The following EYS variants were observed in gnomAD, a reference collection of about 807,000 sequenced individuals.
EYS encodes the protein protein eyes shut homolog.
Under a neutral mutation model 282.1 loss-of-function variants are expected in EYS, and 250 were observed. That is an observed-to-expected ratio of 0.89 (90% CI 0.80 to 0.98). The LOEUF is 0.98. Ranked by LOEUF, EYS falls within the 50% of genes least tolerant of loss-of-function variation. EYS has a pLI of 0.00. For missense variants in EYS, 4,016 were observed against 3,709.0 expected, an observed-to-expected ratio of 1.08 and a Z score of -2.15; for synonymous variants, 1,355 against 1,282.9, an observed-to-expected ratio of 1.06 and a Z score of -1.20.
intron 1 of EYS, among the ~76,000 whole-genome samples, chr6:65,680,381 T>C (rs1481308738): frequency 1.3e-5 from 2 of 151,846 alleles, no homozygotes; most frequent in Admixed American, 1.3e-4. Flanking sequence ...ACCTCAGAAA[T>C]AGCAAAAAAA....
At chr6:65,237,188 A>C (rs1240564551) in intron 12 of EYS, among the ~76,000 whole-genome samples, 1 of 152,168 alleles carries the variant, frequency 6.6e-6, no homozygotes, top group Non-Finnish European at 1.5e-5. Flanking sequence ...AGCCAAATAA[A>C]TTTGTATAAA....
At chr6:64,730,346 C>A (rs1210823630) in intron 22 of EYS, among the ~76,000 whole-genome samples, 1 of 152,090 alleles carries the variant, frequency 6.6e-6, no homozygotes, top group Non-Finnish European at 1.5e-5. Flanking sequence ...GCTGTGATCA[C>A]CTAGATATGT....
At chr6:65,155,009 A>G (rs1301818420) in intron 12 of EYS, among the ~76,000 whole-genome samples, 1 of 151,598 alleles carries the variant, frequency 6.6e-6, no homozygotes, top group African/African-American at 2.4e-5. Flanking sequence ...ATAAGCTCAT[A>G]TAATACATCT....
intron 5 of EYS, among the ~76,000 whole-genome samples, chr6:65,481,251 C>A (rs1311004228): frequency 6.6e-6 from 1 of 150,988 alleles, no homozygotes; most frequent in East Asian, 1.9e-4. Flanking sequence ...AAGTGTCAAC[C>A]AAAAAAAGCA....
intron 2 of EYS, among the ~76,000 whole-genome samples, chr6:65,615,546 T>A (rs938735989): frequency 1.3e-5 from 2 of 151,996 alleles, no homozygotes; most frequent in Non-Finnish European, 2.9e-5. Flanking sequence ...TTAAATATTA[T>A]GTTTTCTTGA....
chr6:63,871,203 C>G (rs1772794856), intron 35 of EYS, among the ~76,000 whole-genome samples: 3 of 152,176 alleles, frequency 2.0e-5, no homozygotes, highest in Admixed American at 1.3e-4. Context: ...AGCTGAGATG[C>G]AAGAAGCGGC....
At chr6:64,635,197 T>G (rs1468395147) in intron 22 of EYS, among the ~76,000 whole-genome samples, 1 of 152,230 alleles carries the variant, frequency 6.6e-6, no homozygotes, top group Non-Finnish European at 1.5e-5. Flanking sequence ...TTGCTGAAGT[T>G]GCCTATCAGC....
intron 12 of EYS, among the ~76,000 whole-genome samples, chr6:65,101,489 T>G (rs1774891536): frequency 2.0e-5 from 3 of 151,348 alleles, no homozygotes; most frequent in South Asian, 4.2e-4. Context: ...ATTACTCCAC[T>G]TAAAAACATG....
intron 29 of EYS, among the ~76,000 whole-genome samples, chr6:64,366,389 G>T (rs1772180100): frequency 6.6e-6 from 1 of 152,004 alleles, no homozygotes; most frequent in Non-Finnish European, 1.5e-5. Flanking sequence ...CTGGCAATAG[G>T]TGAGAAAGAG....
At chr6:65,622,515 A>T (rs1766543736) in intron 2 of EYS, among the ~76,000 whole-genome samples, 2 of 151,984 alleles carry the variant, frequency 1.3e-5, no homozygotes, top group South Asian at 4.1e-4. Flanking sequence ...ATGGTAAGTA[A>T]TTTGCATATT....
chr6:64,591,297 T>C lies in EYS; in HGVS notation c.4570A>G (p.Ser1524Gly), dbSNP rs1424789262. The change falls in exon 26 of 43, where the codon AGT (serine) becomes GGT (glycine). Residue 1524 changes from serine to glycine, a missense_variant. Transcript: ENST00000503581. The part of the protein sequence containing the change: ...HRFSTKAFNP[S>G]EYQAITEASS... Reference sequence around the variant, plus strand: ...GCCTCAGTAATAGCCTGATATTCACTGGGATTGAAGGCTTTTGTACTGAAC... The same window carrying C: ...GCCTCAGTAATAGCCTGATATTCACCGGGATTGAAGGCTTTTGTACTGAAC... 12 of 1,551,272 alleles carry C rather than the reference T, an allele frequency of 7.7e-6. No homozygotes were observed. The highest frequency in any genetic ancestry group is 5.9e-5 in the South Asian group (5 of 84,066).
chr6:64,023,526 T>A (rs1359412752), intron 33 of EYS, among the ~76,000 whole-genome samples: 2 of 152,252 alleles, frequency 1.3e-5, no homozygotes, highest in African/African-American at 2.4e-5. Context: ...ATGGTCTCGA[T>A]TTTTCCACAG....
intron 8 of EYS, among the ~76,000 whole-genome samples, chr6:65,361,223 T>TG (rs1256341482): frequency 6.7e-6 from 1 of 150,290 alleles, no homozygotes; most frequent in African/African-American, 2.5e-5. Context: ...AGGTGGGGAG[T>TG]GGGGGAGGAA....
intron 26 of EYS, among the ~76,000 whole-genome samples, chr6:64,515,479 A>G (rs1330561948): frequency 6.6e-6 from 1 of 151,306 alleles, no homozygotes; most frequent in East Asian, 1.9e-4. Context: ...TACTATTAAA[A>G]CCTTATGATC....
intron 22 of EYS, among the ~76,000 whole-genome samples, chr6:64,732,678 A>G (rs1001970993): frequency 1.3e-5 from 2 of 152,206 alleles, no homozygotes; most frequent in South Asian, 2.1e-4. Context: ...TTCAAACCCA[A>G]ACCTCTAAAT....
chr6:64,546,213 G>C (rs999514676), intron 26 of EYS, among the ~76,000 whole-genome samples: 14 of 151,418 alleles, frequency 9.2e-5, no homozygotes, highest in African/African-American at 2.7e-4. Context: ...TCAGAAATAA[G>C]GCCGCATATC....
intron 22 of EYS, among the ~76,000 whole-genome samples, chr6:64,698,046 A>C (rs1483857680): frequency 6.6e-6 from 1 of 152,200 alleles, no homozygotes; most frequent in Non-Finnish European, 1.5e-5. Flanking sequence ...AAACTCTTGA[A>C]ACTATAAAAA....
intron 39 of EYS, among the ~76,000 whole-genome samples, chr6:63,786,723 A>C (rs1357810424): frequency 6.6e-6 from 1 of 152,094 alleles, no homozygotes; most frequent in Admixed American, 6.5e-5. Context: ...AATTTAAAAA[A>C]TATATGGTGG....
intron 22 of EYS, among the ~76,000 whole-genome samples, chr6:64,708,114 G>C (rs1771093891): frequency 6.6e-6 from 1 of 152,186 alleles, no homozygotes; most frequent in Admixed American, 6.5e-5. Context: ...AAGTAAACAA[G>C]TGTAAGTATA....
Sources: allele counts gnomAD v4.1 joint callset (sites outside exome capture counted in the v4.1 genomes callset), GRCh38; gene constraint gnomAD v4.1.1; transcripts MANE v1.5; gene names NCBI Gene and HGNC (gene_info 2026-07-23, HGNC 2026-07-21).